SGCD: variants seen among roughly 807,000 people sequenced by gnomAD.
SGCD encodes delta-sarcoglycan.
A neutral mutation model predicts 36.6 loss-of-function variants in SGCD; 18 were observed. The observed-to-expected ratio is 0.49, with a 90% CI of 0.34 to 0.73. The LOEUF is 0.73. Ranked by LOEUF, SGCD falls within the 30% of genes least tolerant of loss-of-function variation. The pLI, the probability that SGCD is intolerant of heterozygous loss-of-function variation, is 0.01. For missense variants in SGCD, 387 were observed against 346.7 expected, an observed-to-expected ratio of 1.12 and a Z score of -0.92; for synonymous variants, 133 against 130.6, an observed-to-expected ratio of 1.02 and a Z score of -0.12.
chr5:156,051,993 A>G (rs1020701786), intron 1 of SGCD, among the ~76,000 whole-genome samples: 3 of 146,132 alleles, frequency 2.1e-5, no homozygotes, highest in Admixed American at 2.0e-4. Flanking sequence ...TGTCCATCCC[A>G]TGGCCACAAA....
chr5:156,283,701 T>G (rs1766517751), intron 3 of SGCD, among the ~76,000 whole-genome samples: 1 of 152,174 alleles, frequency 6.6e-6, no homozygotes, highest in Admixed American at 6.6e-5. Context: ...CAAGACTTGC[T>G]AAAACAAATT....
At position 156,571,906 on chromosome 5, in the gene SGCD, A is replaced by G. The variant is rs565144850; in HGVS notation, c.295-17325A>G. On this transcript the variant is annotated intron_variant, in intron 4 of 8. Transcript: ENST00000337851. ...ACAGAAACGCCATATCCATTCAGCAATCACTTTTATCTCTTTCTCCAGCTC... is the reference window on the plus strand; with the variant it reads ...ACAGAAACGCCATATCCATTCAGCAGTCACTTTTATCTCTTTCTCCAGCTC... Among the ~76,000 whole-genome samples the G allele has an allele frequency of 4.6e-5, 7 of 152,326 alleles. No individual in the cohort carries two copies. The East Asian group carries it at 9.6e-4, about 21-fold the overall frequency.
At chr5:156,461,247 A>G (rs1331975805) in intron 3 of SGCD, among the ~76,000 whole-genome samples, 1 of 152,072 alleles carries the variant, frequency 6.6e-6, no homozygotes, top group Non-Finnish European at 1.5e-5. Flanking sequence ...TCTTATTATA[A>G]AAGCATATTG....
intron 1 of SGCD, among the ~76,000 whole-genome samples, chr5:155,988,396 T>C (rs897479890): frequency 6.6e-6 from 1 of 152,128 alleles, no homozygotes; most frequent in Non-Finnish European, 1.5e-5. Context: ...AATGATGTCT[T>C]AGGGTCACTC....
intron 1 of SGCD, among the ~76,000 whole-genome samples, chr5:155,929,622 G>T (rs1206422254): frequency 6.6e-6 from 1 of 151,958 alleles, no homozygotes; most frequent in Non-Finnish European, 1.5e-5. Context: ...CATAAATCTG[G>T]ATTCTTCCGC....
chr5:156,089,602 A>G (rs904975512), intron 1 of SGCD, among the ~76,000 whole-genome samples: 1 of 152,172 alleles, frequency 6.6e-6, no homozygotes, highest in African/African-American at 2.4e-5. Context: ...AGAAACCTAT[A>G]ATTCTTACTG....
At chr5:156,502,305 C>G (rs1406988521) in intron 3 of SGCD, among the ~76,000 whole-genome samples, 1 of 152,216 alleles carries the variant, frequency 6.6e-6, no homozygotes, top group East Asian at 1.9e-4. Context: ...CTCGGCCTCC[C>G]AAAGTGCTGG....
rs2113178203 is a variant in SGCD, at chr5:156,757,696, G to A, written c.691G>A (p.Asp231Asn). ...CRTELRLESK[D>N]GEIKLDAAKI... ...GACAGAGCTGAGACTGGAATCCAAA[G>A]ATGGAGAGGTGAGGGATGAGAAGGA... Residue 231 changes from aspartate (D) to asparagine (N), a missense_variant, in exon 8 of 9, where the codon GAT (aspartate) becomes AAT (asparagine). By Grantham distance (23) the Asp-to-Asn change is conservative. Coordinates refer to ENST00000337851, the MANE Select transcript of SGCD (RefSeq NM_000337.6). 6.2e-7 allele frequency: 1 copy of A among 1,604,582 alleles called. No homozygotes were observed. The highest frequency in any genetic ancestry group is 8.5e-7 in the Non-Finnish European group (1 of 1,175,550).
intron 3 of SGCD, among the ~76,000 whole-genome samples, chr5:156,350,878 C>T (rs1468060901): frequency 6.6e-6 from 1 of 152,166 alleles, no homozygotes; most frequent in Non-Finnish European, 1.5e-5. Flanking sequence ...AAACCCAAGG[C>T]TCAGAGAAGT....
At chr5:156,704,105 A>AAATCACTTT (rs1754643718) in intron 7 of SGCD, 1 of 152,162 alleles carries the variant, frequency 6.6e-6, no homozygotes, top group East Asian at 1.9e-4. Flanking sequence ...TTGATATTGA[A>AAATCACTTT]TGTCCAGACA....
At chr5:156,031,158 A>C (rs558646688) in intron 1 of SGCD, among the ~76,000 whole-genome samples, 1 of 152,288 alleles carries the variant, frequency 6.6e-6, no homozygotes, top group Admixed American at 6.5e-5. Context: ...GATCCCCTAG[A>C]AGGCTTTTTA....
intron 1 of SGCD, among the ~76,000 whole-genome samples, chr5:156,035,804 A>G (rs1335985889): frequency 6.6e-6 from 1 of 152,204 alleles, no homozygotes; most frequent in African/African-American, 2.4e-5. Flanking sequence ...CATTCTTGGA[A>G]TAAGATCAGA....
At chr5:156,420,525 T>G (rs1773252760) in intron 3 of SGCD, among the ~76,000 whole-genome samples, 1 of 152,130 alleles carries the variant, frequency 6.6e-6, no homozygotes, top group Non-Finnish European at 1.5e-5. Context: ...TAATTTTTTT[T>G]GCCTGATATT....
intron 1 of SGCD, among the ~76,000 whole-genome samples, chr5:155,937,955 A>G (rs1050408975): frequency 1.3e-5 from 2 of 152,214 alleles, no homozygotes; most frequent in Admixed American, 6.5e-5. Flanking sequence ...GTAGCTTGCC[A>G]ATGACCTAGT....
chr5:155,934,334 C>T (rs1286456265), intron 1 of SGCD, among the ~76,000 whole-genome samples: 1 of 152,212 alleles, frequency 6.6e-6, no homozygotes, highest in Non-Finnish European at 1.5e-5. Flanking sequence ...TGGCATCTTG[C>T]TCACATCCCA....
chr5:155,969,820 T>A (rs1028870360), intron 1 of SGCD, among the ~76,000 whole-genome samples: 1 of 152,106 alleles, frequency 6.6e-6, no homozygotes, highest in South Asian at 2.1e-4. Flanking sequence ...TGCTGCTATG[T>A]TCACTGTCAT....
chr5:156,698,290 G>T (rs1417939062), intron 7 of SGCD, among the ~76,000 whole-genome samples: 2 of 152,188 alleles, frequency 1.3e-5, no homozygotes, highest in African/African-American at 4.8e-5. Flanking sequence ...TACAGGACCA[G>T]CAGTCTCTAA....
intron 3 of SGCD, among the ~76,000 whole-genome samples, chr5:156,190,212 T>C (rs1274470334): frequency 1.3e-5 from 2 of 152,138 alleles, no homozygotes; most frequent in Non-Finnish European, 2.9e-5. Context: ...AAACTATAAG[T>C]CCATACTCAG....
intron 4 of SGCD, among the ~76,000 whole-genome samples, chr5:156,523,273 G>A (rs989807062): frequency 9.2e-5 from 14 of 152,216 alleles, no homozygotes; most frequent in Admixed American, 3.3e-4. Flanking sequence ...GTGACAAGTG[G>A]TTACACGTGG....
Sources: gnomAD v4.1 joint callset for allele counts (sites outside exome capture counted in the v4.1 genomes callset) on GRCh38, gnomAD v4.1.1 for gene constraint, MANE v1.5 for transcripts, NCBI Gene and HGNC (gene_info 2026-07-23, HGNC 2026-07-21) for gene names.